The following CCNJL variants were observed in gnomAD, a reference collection of about 807,000 sequenced individuals.
CCNJL encodes the protein cyclin-J-like protein.
CCNJL carries 33 observed loss-of-function variants against 33.4 expected under a neutral mutation model. The ratio of observed to expected loss-of-function variants is 0.99; its 90% confidence interval spans 0.75 to 1.32. The LOEUF (loss-of-function observed/expected upper bound fraction) is 1.32, where lower values mean the gene tolerates loss of function less well. CCNJL is among the 40% of genes most tolerant of loss of function. The pLI is 0.00. For synonymous variants in CCNJL, 227 were observed against 220.9 expected, an observed-to-expected ratio of 1.03 and a Z score of -0.24; for missense variants, 512 against 499.7, an observed-to-expected ratio of 1.02 and a Z score of -0.23.
chr5:160,314,608 A>G (rs145142330), upstream of CCNJL, among the ~76,000 whole-genome samples: 952 of 152,376 alleles, frequency 6.2e-3, 12 homozygotes, highest in African/African-American at 0.022. Flanking sequence ...AATATGCAGG[A>G]TCTAGATACA....
At chr5:160,293,982 AGCCCGGGAATCCAC>A (rs1287271294) in intron 2 of CCNJL, among the ~76,000 whole-genome samples, 1 of 152,098 alleles carries the variant, frequency 6.6e-6, no homozygotes, top group Non-Finnish European at 1.5e-5. Flanking sequence ...TGCCAACAAG[AGCCCGGGAATCCAC>A]GCCCTGGGTT....
intron 3 of CCNJL, chr5:160,274,700 C>T (rs1435953471): frequency 6.6e-6 from 1 of 152,338 alleles, no homozygotes; most frequent in African/African-American, 2.4e-5. Context: ...CTACAGAAAC[C>T]AGAAGTCAGA....
chr5:160,334,383 A>G (rs1337771646), intron 1 of CCNJL, among the ~76,000 whole-genome samples: 2 of 152,262 alleles, frequency 1.3e-5, no homozygotes, highest in Admixed American at 6.5e-5. Context: ...ACCAGAGGGC[A>G]CAATAAAATG....
chr5:160,260,095 C>A (rs1479337416), intron 3 of CCNJL, among the ~76,000 whole-genome samples: 1 of 152,208 alleles, frequency 6.6e-6, no homozygotes, highest in Non-Finnish European at 1.5e-5. Context: ...CTCAGACAAG[C>A]CTCTGGAACA....
intron 3 of CCNJL, among the ~76,000 whole-genome samples, chr5:160,268,760 TC>T (rs1761711568): frequency 6.6e-6 from 1 of 152,176 alleles, no homozygotes; most frequent in Non-Finnish European, 1.5e-5. Context: ...TTAGGAAACA[TC>T]CTGGAGAAAC....
At position 160,280,756 on chromosome 5, in the gene CCNJL, C is replaced by T. The variant is rs190541591; in HGVS notation, c.67-18G>A. Reference sequence around the variant, plus strand: ...TTCAGTTCCTGGAGGACAGGCGGGGCGGAGGGGTGACGGTCAGGGCTGCCT... The same window carrying T: ...TTCAGTTCCTGGAGGACAGGCGGGGTGGAGGGGTGACGGTCAGGGCTGCCT... On this transcript the variant is annotated intron_variant, in intron 2 of 5. Coordinates refer to ENST00000257536, the MANE Select transcript of CCNJL (RefSeq NM_001308173.3). The T allele has an allele frequency of 5.4e-5, 84 of 1,551,432 alleles. 1 individual carries two copies. The Admixed American group carries it at 1.4e-3, about 25-fold the overall frequency.
chr5:160,269,263 G>A (rs779234905), intron 3 of CCNJL, among the ~76,000 whole-genome samples: 10 of 152,164 alleles, frequency 6.6e-5, no homozygotes, highest in South Asian at 2.1e-4. Flanking sequence ...TTTGTGCTCC[G>A]CTTTACACGT....
upstream of CCNJL, among the ~76,000 whole-genome samples, chr5:160,314,384 G>A (rs1431811249): frequency 1.3e-5 from 2 of 152,012 alleles, no homozygotes; most frequent in Admixed American, 1.3e-4. Flanking sequence ...AAGTATAAAC[G>A]GCTAAATTAT....
intron 1 of CCNJL, chr5:160,326,759 A>G: frequency 1.2e-6 from 1 of 861,906 alleles, no homozygotes; most frequent in Non-Finnish European, 2.0e-6. Context: ...TCTCATCTTC[A>G]GATAAACTTA....
intron 2 of CCNJL, 91 bp from the exon 3 acceptor site, chr5:160,280,829 G>T: frequency 1.2e-6 from 1 of 857,290 alleles, no homozygotes; most frequent in Non-Finnish European, 1.9e-6. Flanking sequence ...GGGCCTGAAT[G>T]GGAGGCAACG....
intron 3 of CCNJL, among the ~76,000 whole-genome samples, chr5:160,270,411 A>G (rs1580966838): frequency 6.6e-6 from 1 of 152,006 alleles, no homozygotes; most frequent in East Asian, 1.9e-4. Context: ...GCCACTGCAC[A>G]CCAGCCTGGG....
intron 3 of CCNJL, among the ~76,000 whole-genome samples, chr5:160,264,307 C>T (rs754525089): frequency 3.3e-5 from 5 of 152,166 alleles, no homozygotes; most frequent in African/African-American, 7.2e-5. Context: ...GGCAGACGCA[C>T]GTGTACCCCC....
intron 3 of CCNJL, among the ~76,000 whole-genome samples, chr5:160,279,791 A>G (rs1174606025): frequency 1.3e-5 from 2 of 152,212 alleles, no homozygotes; most frequent in Non-Finnish European, 2.9e-5. Flanking sequence ...GCAAAGAGGC[A>G]GGAACTCAAG....
chr5:160,287,512 T>C (rs763544995), intron 2 of CCNJL, among the ~76,000 whole-genome samples: 3 of 152,314 alleles, frequency 2.0e-5, no homozygotes, highest in Non-Finnish European at 1.5e-5. Flanking sequence ...CCTGTTTAGT[T>C]TGAGAATCTA....
intron 1 of CCNJL, among the ~76,000 whole-genome samples, chr5:160,337,193 G>A (rs1206641599): frequency 1.4e-5 from 2 of 140,632 alleles, no homozygotes; most frequent in South Asian, 4.5e-4. Flanking sequence ...TTTTTTTTTA[G>A]GGTGTAGAGA....
rs148831412 is a variant in CCNJL, at chr5:160,291,635, T to C, written c.67-10897A>G. 2.0e-3 allele frequency among the ~76,000 whole-genome samples: 299 copies of C among 152,272 alleles called. 3 individuals are homozygous for C. Among genetic ancestry groups the C allele is most frequent in the African/African-American group, 6.7e-3 (278 of 41,544 alleles). ...TGCAGTGCATCCACAAGGCGAGACT[T>C]GCAAAAATCCCTGGCGTGATGCCTA... is the stretch of plus-strand genomic sequence containing the variant. On this transcript the variant is annotated intron_variant, in intron 2 of 5. Transcript: ENST00000257536.
rs148162219 is a variant in CCNJL at position 160,308,843 on chromosome 5, T to C, written c.66+3015A>G. Among the ~76,000 whole-genome samples the C allele has an allele frequency of 3.7e-3, 565 of 152,266 alleles. 2 individuals carry two copies. The highest frequency in any genetic ancestry group is 5.6e-3 in the Admixed American group (86 of 15,298). On this transcript the variant is annotated intron_variant, in intron 2 of 5. Coordinates refer to ENST00000257536, the MANE Select transcript of CCNJL (RefSeq NM_001308173.3). ...ACAAAGAAAAAGCAAGGTGATTTAA[T>C]AGAGTGACATGGAGAGGCAGCAATA...
chr5:160,301,818 C>A (rs764765408), intron 2 of CCNJL, among the ~76,000 whole-genome samples: 69 of 151,478 alleles, frequency 4.6e-4, no homozygotes, highest in Non-Finnish European at 7.7e-4. Flanking sequence ...CAACCTCTGC[C>A]TCCCGGGTTC....
At position 160,251,027 on chromosome 5, in the gene CCNJL, G is replaced by C. The variant is rs764871596; in HGVS notation, c.*2351C>G. 9 of 152,178 alleles carry C rather than the reference G, an allele frequency of 5.9e-5. No individual in the cohort carries two copies. The highest frequency in any genetic ancestry group is 1.3e-4 in the Non-Finnish European group (9 of 68,032). 9.4% of individuals were successfully genotyped at this position (152,178 alleles called of 1,614,324 possible). On this transcript the variant is annotated 3_prime_UTR_variant, in exon 6 of 6. Transcript: ENST00000257536. ...ATCATTAAGTTTATGTGGCAGCTTG[G>C]CTAGGCTACAGTGCCTGTTGTGTGG...
Sources: allele counts gnomAD v4.1 joint callset (sites outside exome capture counted in the v4.1 genomes callset), GRCh38; gene constraint gnomAD v4.1.1; transcripts MANE v1.5; gene names NCBI Gene and HGNC (gene_info 2026-07-23, HGNC 2026-07-21).